Variants in ERICH1 observed in about 807,000 individuals in gnomAD.
ERICH1 encodes glutamate rich 1.
Under a neutral mutation model 39.6 loss-of-function variants are expected in ERICH1, and 56 were observed. That is an observed-to-expected ratio of 1.41 (90% CI 1.14 to 1.77). The LOEUF (loss-of-function observed/expected upper bound fraction) is 1.77, where lower values mean the gene tolerates loss of function less well. Ranked by LOEUF, ERICH1 falls within the 40% of genes most tolerant of loss-of-function variation. ERICH1 has a pLI of 0.00. For missense variants in ERICH1, 826 were observed against 575.4 expected (o/e 1.44, Z -4.45); for synonymous variants, 313 against 223.6 (o/e 1.40, Z -3.57).
chr8:708,055 T>G (rs574817002), intron 2 of ERICH1, among the ~76,000 whole-genome samples: 1 of 152,026 alleles, frequency 6.6e-6, no homozygotes, highest in East Asian at 1.9e-4. Flanking sequence ...ACATTCTCAG[T>G]CATCAGAAAA....
At chr8:726,730 A>G (rs974651369) in intron 1 of ERICH1, among the ~76,000 whole-genome samples, 4 of 151,798 alleles carry the variant, frequency 2.6e-5, no homozygotes, top group African/African-American at 9.7e-5. Flanking sequence ...ACACACAGGC[A>G]AACAGATATG....
In ERICH1 at chr8:673,772, C is replaced by T. The variant is rs139797119; in HGVS notation, c.580G>A (p.Asp194Asn). 3.5e-5 allele frequency: 56 copies of T among 1,614,202 alleles called. No individual in the cohort carries two copies. The African/African-American group carries it at 5.5e-4, about 16-fold the overall frequency. Residue 194 changes from aspartate (D) to asparagine (N), a missense_variant, in exon 4 of 6, where the codon GAC (aspartate) becomes AAC (asparagine). Asp to Asn is a conservative substitution (Grantham distance 23). Transcript: ENST00000262109. ...AGVSFMYQPE[D>N]SSNEGEGVGE... ...ACGCCTTCCCCTTCATTGCTGCTGTCCTCGGGCTGGTACATGAAACTGACA... is the reference window on the plus strand; with the variant it reads ...ACGCCTTCCCCTTCATTGCTGCTGTTCTCGGGCTGGTACATGAAACTGACA...
intron 2 of ERICH1, among the ~76,000 whole-genome samples, chr8:697,959 C>A (rs1075450): frequency 0.46 from 69,073 of 151,626 alleles, 16,115 homozygotes; most frequent in Middle Eastern, 0.58. Context: ...GCAAGGGACA[C>A]AAATCCCTGC....
chr8:726,611 C>G (rs867962575), intron 1 of ERICH1, among the ~76,000 whole-genome samples: 4 of 151,140 alleles, frequency 2.6e-5, no homozygotes, highest in African/African-American at 9.8e-5. Flanking sequence ...GGCACACATG[C>G]ATGCACATAG....
intron 2 of ERICH1, among the ~76,000 whole-genome samples, chr8:707,319 T>A (rs896722400): frequency 6.6e-6 from 1 of 151,470 alleles, no homozygotes; most frequent in African/African-American, 2.4e-5. Context: ...GCGACTCTAC[T>A]GCGTCAGCCT....
At chr8:727,140 C>G (rs544359344) in intron 1 of ERICH1, among the ~76,000 whole-genome samples, 15 of 152,284 alleles carry the variant, frequency 9.9e-5, no homozygotes, top group African/African-American at 2.6e-4. Flanking sequence ...CACACCTGCA[C>G]AGATGCACAC....
intron 3 of ERICH1, among the ~76,000 whole-genome samples, chr8:688,491 T>C (rs1035094730): frequency 3.3e-5 from 5 of 151,698 alleles, no homozygotes; most frequent in Admixed American, 6.6e-5. Context: ...GGTCAGCTCC[T>C]ACAACGCCAC....
At chr8:640,363 T>C (rs1336265406) in intron 3 of ERICH1, among the ~76,000 whole-genome samples, 1 of 152,222 alleles carries the variant, frequency 6.6e-6, no homozygotes, top group Non-Finnish European at 1.5e-5. Context: ...CTTATGTTTT[T>C]TTCTTGCTTG....
At chr8:636,468 C>G (rs1433744178) in intron 3 of ERICH1, among the ~76,000 whole-genome samples, 1 of 152,264 alleles carries the variant, frequency 6.6e-6, no homozygotes, top group African/African-American at 2.4e-5. Flanking sequence ...GTGCCTTCCT[C>G]TCCCGACTTT....
downstream of ERICH1, among the ~76,000 whole-genome samples, chr8:663,845 T>C (rs992064222): frequency 1.2e-4 from 18 of 152,068 alleles, no homozygotes; most frequent in African/African-American, 4.3e-4. Flanking sequence ...CTGCAAGCTC[T>C]GCCTCCCAGG....
intron 3 of ERICH1, among the ~76,000 whole-genome samples, chr8:689,777 G>A (rs1480253003): frequency 1.3e-5 from 2 of 152,220 alleles, no homozygotes; most frequent in African/African-American, 4.8e-5. Flanking sequence ...GTCTACACAG[G>A]AGAAGACGGA....
intron 3 of ERICH1, among the ~76,000 whole-genome samples, chr8:679,108 C>T (rs925715466): frequency 1.3e-5 from 2 of 150,948 alleles, no homozygotes; most frequent in African/African-American, 2.4e-5. Flanking sequence ...TCCGACTCCT[C>T]ACAGCTCCCA....
intron 3 of ERICH1, among the ~76,000 whole-genome samples, chr8:642,141 T>C (rs1439739171): frequency 6.6e-6 from 1 of 152,096 alleles, no homozygotes; most frequent in Non-Finnish European, 1.5e-5. Context: ...TGCAGATTCT[T>C]CACAAGCTCT....
At chr8:681,524 A>C (rs1806111664) in intron 3 of ERICH1, among the ~76,000 whole-genome samples, 1 of 152,228 alleles carries the variant, frequency 6.6e-6, no homozygotes, top group Admixed American at 6.5e-5. Flanking sequence ...GAGTAATCAG[A>C]ACTTGAAGGA....
intron 1 of ERICH1, 145 bp downstream of exon 1, chr8:730,995 G>A: frequency 1.0e-6 from 1 of 963,418 alleles, no homozygotes; most frequent in Non-Finnish European, 1.4e-6. Context: ...GGGATGGGTA[G>A]GGACTGGGGT....
intron 3 of ERICH1, chr8:637,425 G>A (rs918622549): frequency 6.6e-6 from 1 of 152,296 alleles, no homozygotes; most frequent in Non-Finnish European, 1.5e-5. Flanking sequence ...CTCACCACGT[G>A]CTTGGGGTTT....
At chr8:715,300 C>T (rs763965700) in intron 2 of ERICH1, among the ~76,000 whole-genome samples, 22 of 152,390 alleles carry the variant, frequency 1.4e-4, no homozygotes, top group East Asian at 5.8e-4. Context: ...GGTCTCTTCC[C>T]GTGTCTCTCA....
rs114628513 is a variant in ERICH1 at position 728,087 on chromosome 8, C to T, written c.22+3053G>A. 3.9e-3 allele frequency among the ~76,000 whole-genome samples: 600 copies of T among 152,306 alleles called. 3 individuals are homozygous for T. Among genetic ancestry groups the T allele is most frequent in the African/African-American group, 0.014 (568 of 41,580 alleles). On this transcript the variant is annotated intron_variant, in intron 1 of 5. Coordinates refer to ENST00000262109, the MANE Select transcript of ERICH1 (RefSeq NM_207332.3). The stretch of plus-strand genomic sequence containing the variant: ...GGTCCTCACCCCAGCATCTGAGGAT[C>T]GTCTCTGCCAAGCAAACCCCACACA...
chr8:661,211 A>G (rs957115137), downstream of ERICH1, among the ~76,000 whole-genome samples: 1 of 152,160 alleles, frequency 6.6e-6, no homozygotes, highest in Non-Finnish European at 1.5e-5. Flanking sequence ...CCCCGGGATG[A>G]GAGGACATGT....
Sources: allele counts gnomAD v4.1 joint callset (sites outside exome capture counted in the v4.1 genomes callset), GRCh38; gene constraint gnomAD v4.1.1; transcripts MANE v1.5; gene names NCBI Gene and HGNC (gene_info 2026-07-23, HGNC 2026-07-21).